Variants in HSD17B11 observed in about 807,000 individuals in gnomAD.
HSD17B11 encodes hydroxysteroid 17-beta dehydrogenase 11.
Under a neutral mutation model 27.8 loss-of-function variants are expected in HSD17B11, and 22 were observed. The ratio of observed to expected loss-of-function variants is 0.79; its 90% CI spans 0.56 to 1.13. The LOEUF (loss-of-function observed/expected upper bound fraction) is 1.13, where lower values mean the gene tolerates loss of function less well. HSD17B11 is among the 50% of genes most tolerant of loss of function. HSD17B11 has a pLI of 0.00. For missense variants in HSD17B11, 314 were observed against 351.1 expected (o/e 0.89, Z 0.84); for synonymous variants, 117 against 132.8 (o/e 0.88, Z 0.82).
In HSD17B11 at chr4:87,391,103, T is replaced by G. The variant is rs777970960; in HGVS notation, c.-33A>C. ...GTGGCTGCGAGCGTTTGGTGTGTTT[T>G]TTTTTTTTTTTACCACTCTAAACTG... is the stretch of plus-strand genomic sequence containing the variant. On this transcript the variant is annotated 5_prime_UTR_variant, in exon 1 of 7. Coordinates refer to ENST00000358290, the MANE Select transcript of HSD17B11 (RefSeq NM_016245.5). 36 of 1,507,208 alleles carry G rather than the reference T, an allele frequency of 2.4e-5. No individual in the cohort carries two copies. The highest frequency in any genetic ancestry group is 2.0e-4 in the African/African-American group (14 of 70,530). The allele number at this position is 1,507,208 out of a possible 1,614,324, so 93.4% of individuals were successfully genotyped here.
chr4:87,336,547 A>T lies in HSD17B11; in HGVS notation c.*729T>A, dbSNP rs567409371. The stretch of plus-strand genomic sequence containing the variant: ...TTTTTAAAAAAAGATTGCACAATTT[A>T]TTTTCCTTTAATTTGAAGGTTGTCA... On this transcript the variant is annotated 3_prime_UTR_variant, in exon 7 of 7. Coordinates refer to ENST00000358290, the MANE Select transcript of HSD17B11 (RefSeq NM_016245.5). The T allele has an allele frequency of 7.9e-5, 12 of 151,916 alleles. No individual in the cohort carries two copies. The South Asian group carries it at 2.5e-3, about 31-fold the overall frequency. 9.4% of individuals were successfully genotyped at this position (151,916 alleles called of 1,614,324 possible). A position where few individuals can be genotyped will look rare whatever the true frequency, so the allele number is the denominator to read the frequency against.
At chr4:87,370,675 C>T (rs1735692517) in intron 4 of HSD17B11, among the ~76,000 whole-genome samples, 1 of 150,554 alleles carries the variant, frequency 6.6e-6, no homozygotes, top group Admixed American at 6.6e-5. Context: ...CCTCGGCCTC[C>T]CAAAGTGCTG....
intron 4 of HSD17B11, among the ~76,000 whole-genome samples, chr4:87,371,806 C>T (rs1735720402): frequency 6.6e-6 from 1 of 152,096 alleles, no homozygotes; most frequent in African/African-American, 2.4e-5. Context: ...TAGTTCAGGC[C>T]AGTGATAGCT....
intron 6 of HSD17B11, among the ~76,000 whole-genome samples, chr4:87,338,590 C>G (rs1347481200): frequency 6.6e-6 from 1 of 152,074 alleles, no homozygotes; most frequent in Non-Finnish European, 1.5e-5. Context: ...AGATGGAGTG[C>G]AGTGGCATGA....
At chr4:87,341,688 C>A (rs1482001768) in intron 5 of HSD17B11, among the ~76,000 whole-genome samples, 1 of 151,954 alleles carries the variant, frequency 6.6e-6, no homozygotes, top group South Asian at 2.1e-4. Context: ...TGGCAAAATC[C>A]TGTCTCTACA....
intron 4 of HSD17B11, among the ~76,000 whole-genome samples, chr4:87,363,432 A>G (rs1735553788): frequency 6.6e-6 from 1 of 152,206 alleles, no homozygotes; most frequent in Non-Finnish European, 1.5e-5. Flanking sequence ...GTACTTCAGG[A>G]TAAAACATGG....
Position 87,340,056 on chromosome 4 carries a change from T to TA in HSD17B11, c.812+433dup, listed in dbSNP as rs557838105. On this transcript the variant is annotated intron_variant, in intron 6 of 6. Coordinates refer to ENST00000358290, the MANE Select transcript of HSD17B11 (RefSeq NM_016245.5). ...CAAGACTCAAGGATTTCTAAAATTA[T>TA]AAAAAAAAATTTAGCAATTCATATA... Among the ~76,000 whole-genome samples, 32 of 150,456 alleles carry TA rather than the reference T, an allele frequency of 2.1e-4. 1 individual carries two copies. In the South Asian group the frequency reaches 2.3e-3, roughly 11 times the overall value.
intron 5 of HSD17B11, among the ~76,000 whole-genome samples, chr4:87,344,342 T>A (rs751328842): frequency 6.6e-6 from 1 of 152,222 alleles, no homozygotes; most frequent in African/African-American, 2.4e-5. Context: ...GCCCCCAAAA[T>A]GATCAGAACA....
At chr4:87,387,732 T>A (rs1720356885) in intron 1 of HSD17B11, among the ~76,000 whole-genome samples, 1 of 152,204 alleles carries the variant, frequency 6.6e-6, no homozygotes, top group South Asian at 2.1e-4. Flanking sequence ...ATATATTTTT[T>A]ACCCACAAAA....
chr4:87,372,400 G>C (rs1735734690), intron 4 of HSD17B11, among the ~76,000 whole-genome samples: 1 of 151,486 alleles, frequency 6.6e-6, no homozygotes. Context: ...ACTAATTATT[G>C]TTCTTGCTTT....
intron 1 of HSD17B11, chr4:87,387,055 A>T (rs936206406): frequency 2.6e-5 from 4 of 152,166 alleles, no homozygotes; most frequent in Non-Finnish European, 5.9e-5. Flanking sequence ...TACCATATTG[A>T]TTCTGAACTT....
Position 87,381,619 on chromosome 4 carries a change from C to A in HSD17B11, c.318+636G>T, listed in dbSNP as rs928076975. On this transcript the variant is annotated intron_variant, in intron 2 of 6. Transcript: ENST00000358290. ...ACCAAAAATACAAAAAATTAGCTGG[C>A]GTGGTGGCACACACCTGTGGTCCCA... Among the ~76,000 whole-genome samples the A allele has an allele frequency of 2.0e-5, 3 of 151,476 alleles. No individual in the cohort carries two copies. In the South Asian group the frequency reaches 6.3e-4, roughly 32 times the overall value.
intron 2 of HSD17B11, among the ~76,000 whole-genome samples, chr4:87,379,401 CTACCTTAAT>C (rs1166039132): frequency 6.7e-6 from 1 of 149,764 alleles, no homozygotes; most frequent in Admixed American, 6.7e-5. Context: ...ACCTAACTAA[CTACCTTAAT>C]GTCAACAAGG....
intron 2 of HSD17B11, among the ~76,000 whole-genome samples, chr4:87,378,911 TATATATAA>T (rs1720031846): frequency 7.7e-5 from 1 of 13,054 alleles, no homozygotes; most frequent in East Asian, 2.1e-3. Flanking sequence ...TATAAATATA[TATATATAA>T]ATATATATAA....
At chr4:87,388,372 C>G (rs1578049832) in intron 1 of HSD17B11, among the ~76,000 whole-genome samples, 1 of 152,162 alleles carries the variant, frequency 6.6e-6, no homozygotes, top group South Asian at 2.1e-4. Context: ...GCTCAAGAGC[C>G]ACAAGAGGCT....
At chr4:87,379,867 ATACTATTAATTATTATT>A (rs1345738539) in intron 2 of HSD17B11, among the ~76,000 whole-genome samples, 1 of 77,070 alleles carries the variant, frequency 1.3e-5, no homozygotes, top group Non-Finnish European at 2.5e-5. Flanking sequence ...TATATGTATT[ATACTATTAATTATTATT>A]ATACAGCACA....
At chr4:87,366,083 C>A (rs59107493) in intron 4 of HSD17B11, 1 of 152,022 alleles carries the variant, frequency 6.6e-6, no homozygotes, top group Admixed American at 6.5e-5. Flanking sequence ...CTTGAACTTC[C>A]GACCTCAGGT....
chr4:87,374,877 G>T, intron 2 of HSD17B11, 47 bp from the exon 3 acceptor site: 2 of 1,444,138 alleles, frequency 1.4e-6, no homozygotes, highest in Admixed American at 2.3e-5. Flanking sequence ...GAGGTATGAG[G>T]GTAAGTTTAT....
intron 4 of HSD17B11, among the ~76,000 whole-genome samples, chr4:87,364,216 G>A (rs1328620195): frequency 6.7e-6 from 1 of 148,206 alleles, no homozygotes; most frequent in Non-Finnish European, 1.5e-5. Flanking sequence ...ATAACTTCTG[G>A]TAGCTTGGGA....
Sources: allele counts gnomAD v4.1 joint callset (sites outside exome capture counted in the v4.1 genomes callset), GRCh38; gene constraint gnomAD v4.1.1; transcripts MANE v1.5; gene names NCBI Gene and HGNC (gene_info 2026-07-23, HGNC 2026-07-21).